Variants in RAVER2 observed in about 807,000 individuals in gnomAD.
The protein encoded by RAVER2 is ribonucleoprotein, PTB binding 2.
RAVER2 carries 46 observed loss-of-function variants against 78.1 expected under a neutral mutation model. That is an observed-to-expected ratio of 0.59 (90% CI 0.46 to 0.75). The LOEUF (loss-of-function observed/expected upper bound fraction) is 0.75, where lower values mean the gene tolerates loss of function less well. RAVER2 is among the 30% of genes least tolerant of loss of function. The pLI, the probability that RAVER2 is intolerant of heterozygous loss-of-function variation, is 0.00. For missense variants in RAVER2, 793 were observed against 837.5 expected (o/e 0.95, Z 0.66); for synonymous variants, 311 against 313.3 (o/e 0.99, Z 0.08).
chr1:64,827,176 G>A (rs1406948645), intron 11 of RAVER2, among the ~76,000 whole-genome samples: 1 of 152,128 alleles, frequency 6.6e-6, no homozygotes, highest in Non-Finnish European at 1.5e-5. Flanking sequence ...AGACACCAGG[G>A]GTTAGTCACT....
chr1:64,755,645 A>G (rs569583819), intron 1 of RAVER2, among the ~76,000 whole-genome samples: 2 of 145,580 alleles, frequency 1.4e-5, no homozygotes, highest in African/African-American at 2.6e-5. Flanking sequence ...TGGACTTTGG[A>G]TATTCTATTA....
At chr1:64,817,042 C>CA (rs1653772731) in intron 11 of RAVER2, among the ~76,000 whole-genome samples, 1 of 152,112 alleles carries the variant, frequency 6.6e-6, no homozygotes, top group Non-Finnish European at 1.5e-5. Context: ...ACAAAGAACT[C>CA]AAACAAATTT....
intron 1 of RAVER2, among the ~76,000 whole-genome samples, chr1:64,762,446 G>A (rs11208521): frequency 0.12 from 18,396 of 149,924 alleles, 1,318 homozygotes; most frequent in East Asian, 0.28. Flanking sequence ...CAAGTGACCT[G>A]GAATAGCCAA....
intron 1 of RAVER2, among the ~76,000 whole-genome samples, chr1:64,759,602 T>C (rs1180364286): frequency 1.4e-5 from 2 of 147,070 alleles, no homozygotes; most frequent in East Asian, 2.1e-4. Context: ...CTGCAAGCTT[T>C]GCCTCCCGGG....
At chr1:64,800,131 G>GTTTT (rs200005863) in intron 5 of RAVER2, among the ~76,000 whole-genome samples, 40 of 137,754 alleles carry the variant, frequency 2.9e-4, no homozygotes, top group African/African-American at 9.7e-4. Context: ...TTTGTTTTTT[G>GTTTT]TTTTTTTTTT....
chr1:64,750,671 C>G (rs1009144724), intron 1 of RAVER2, among the ~76,000 whole-genome samples: 5 of 152,076 alleles, frequency 3.3e-5, no homozygotes, highest in African/African-American at 1.2e-4. Flanking sequence ...ATTATTGCCT[C>G]TTTTTAAAAT....
intron 5 of RAVER2, among the ~76,000 whole-genome samples, chr1:64,791,748 G>GGTTTGA (rs1652947939): frequency 6.6e-6 from 1 of 152,066 alleles, no homozygotes; most frequent in African/African-American, 2.4e-5. Flanking sequence ...CCTATTCCCT[G>GGTTTGA]GTTTGACAGT....
intron 11 of RAVER2, among the ~76,000 whole-genome samples, chr1:64,824,830 CTG>C (rs1653968816): frequency 6.7e-6 from 1 of 148,724 alleles, no homozygotes; most frequent in Non-Finnish European, 1.5e-5. Context: ...ACTCAGGAGG[CTG>C]AGGCAGGAGA....
chr1:64,767,791 A>G (rs1055744777), intron 1 of RAVER2, among the ~76,000 whole-genome samples: 1 of 152,076 alleles, frequency 6.6e-6, no homozygotes, highest in African/African-American at 2.4e-5. Context: ...AAGCAATGCA[A>G]GTAGTATATA....
At chr1:64,814,732 G>A (rs2100889566) in exon 11 of RAVER2, 1 of 1,565,460 alleles carries the variant, frequency 6.4e-7, no homozygotes, top group Non-Finnish European at 8.7e-7. Context: ...CTCTTCATAA[G>A]ACTGGAATTG....
intron 11 of RAVER2, among the ~76,000 whole-genome samples, chr1:64,818,888 TTGTC>T (rs1186776918): frequency 6.6e-6 from 1 of 152,150 alleles, no homozygotes; most frequent in African/African-American, 2.4e-5. Context: ...TAAACTGTGT[TTGTC>T]TGAGGAAAAC....
intron 1 of RAVER2, among the ~76,000 whole-genome samples, chr1:64,767,355 G>C (rs1188350590): frequency 6.6e-6 from 1 of 152,020 alleles, no homozygotes; most frequent in Non-Finnish European, 1.5e-5. Context: ...TAGAGGTTGA[G>C]TGTCATCCTT....
At chr1:64,807,123 C>G (rs1653460513) in intron 8 of RAVER2, 83 bp from the exon 9 acceptor site, 1 of 1,453,366 alleles carries the variant, frequency 6.9e-7, no homozygotes, top group African/African-American at 1.4e-5. Context: ...CTGCATTTTG[C>G]TCATAACTTA....
intron 11 of RAVER2, among the ~76,000 whole-genome samples, chr1:64,822,832 C>T (rs1390023845): frequency 3.3e-5 from 5 of 152,140 alleles, no homozygotes; most frequent in East Asian, 3.8e-4. Context: ...GTAATATCCA[C>T]GTGATGGAAT....
rs550311743 is a variant in RAVER2, at chr1:64,812,857, G to A, written c.1792+8G>A. On this transcript the variant is annotated splice_region_variant and intron_variant, in intron 10 of 11. Transcript: ENST00000294428. ...CCAGTGTGTGCTTATCATGTAAGTA[G>A]GGGCTCAGTATTCTTGTTGTGGAGT... 6.4e-7 allele frequency: 1 copy of A among 1,555,278 alleles called. No homozygotes were observed. The highest frequency in any genetic ancestry group is 2.3e-5 in the East Asian group (1 of 42,880).
chr1:64,791,100 A>G (rs1477945343), intron 5 of RAVER2, among the ~76,000 whole-genome samples: 3 of 152,324 alleles, frequency 2.0e-5, no homozygotes, highest in East Asian at 3.9e-4. Context: ...TATTATAAAG[A>G]GCACAGGCAA....
intron 5 of RAVER2, among the ~76,000 whole-genome samples, chr1:64,802,602 C>A (rs982020168): frequency 1.3e-5 from 2 of 152,046 alleles, no homozygotes; most frequent in African/African-American, 4.8e-5. Flanking sequence ...TGTATCTTGT[C>A]CCCTACTCCT....
At chr1:64,792,663 T>A (rs918526206) in intron 5 of RAVER2, among the ~76,000 whole-genome samples, 9 of 152,206 alleles carry the variant, frequency 5.9e-5, no homozygotes, top group Admixed American at 6.5e-5. Context: ...TTCATAAGCA[T>A]AGCTTTTTCT....
chr1:64,793,379 TTA>T (rs1652998544), intron 5 of RAVER2, among the ~76,000 whole-genome samples: 3 of 152,190 alleles, frequency 2.0e-5, no homozygotes, highest in Admixed American at 2.0e-4. Flanking sequence ...CCAATTTTGA[TTA>T]TGTTACTCTG....
Sources: gnomAD v4.1 joint callset for allele counts (sites outside exome capture counted in the v4.1 genomes callset) on GRCh38, gnomAD v4.1.1 for gene constraint, MANE v1.5 for transcripts, NCBI Gene and HGNC (gene_info 2026-07-23, HGNC 2026-07-21) for gene names.